The following PRKN variants were observed in gnomAD, a reference collection of about 807,000 sequenced individuals.
PRKN encodes the protein parkin RBR E3 ubiquitin protein ligase.
A neutral mutation model predicts 59.5 loss-of-function variants in PRKN; 56 were observed. That is an observed-to-expected ratio of 0.94 (90% CI 0.76 to 1.18). The LOEUF (loss-of-function observed/expected upper bound fraction) is 1.18, where lower values mean the gene tolerates loss of function less well. Among genes scored for constraint, PRKN ranks in the 50% most tolerant of loss-of-function variants. PRKN has a pLI of 0.00. For synonymous variants in PRKN, 250 were observed against 222.1 expected (o/e 1.13, Z -1.12); for missense variants, 657 against 596.4 (o/e 1.10, Z -1.06).
Position 161,509,647 on chromosome 6 carries a change from C to T in PRKN, c.1083+39207G>A, listed in dbSNP as rs550335899. ...GTAATCTCAACACTTGGTGAGAGGC[C>T]GAGGAGGGTGGATCACAAGTTTAGG... On this transcript the variant is annotated intron_variant, in intron 9 of 11. Coordinates refer to ENST00000366898, the MANE Select transcript of PRKN (RefSeq NM_004562.3). Among the ~76,000 whole-genome samples the T allele has an allele frequency of 2.0e-4, 30 of 151,222 alleles. No individual in the cohort carries two copies. The East Asian group carries it at 2.3e-3, about 12-fold the overall frequency.
chr6:161,655,567 T>C (rs1022090901), intron 7 of PRKN, among the ~76,000 whole-genome samples: 2 of 152,210 alleles, frequency 1.3e-5, no homozygotes, highest in African/African-American at 4.8e-5. Context: ...GACAGTCCAC[T>C]CCATCTGGGG....
At chr6:161,565,507 T>A (rs1424816719) in intron 8 of PRKN, among the ~76,000 whole-genome samples, 1 of 152,128 alleles carries the variant, frequency 6.6e-6, no homozygotes, top group Admixed American at 6.5e-5. Context: ...GTTCTCGTGA[T>A]GGTGAATGAG....
At chr6:162,478,555 T>A (rs1254491859) in intron 1 of PRKN, among the ~76,000 whole-genome samples, 1 of 152,216 alleles carries the variant, frequency 6.6e-6, no homozygotes, top group Non-Finnish European at 1.5e-5. Flanking sequence ...AGCAGGTGTC[T>A]GTGACCTCCT....
intron 7 of PRKN, among the ~76,000 whole-genome samples, chr6:161,721,002 A>T (rs1281995076): frequency 1.3e-5 from 2 of 152,328 alleles, no homozygotes; most frequent in East Asian, 3.9e-4. Flanking sequence ...TTCTAGAGGA[A>T]TATCATGGAA....
intron 3 of PRKN, among the ~76,000 whole-genome samples, chr6:162,255,178 T>C (rs1006263467): frequency 2.0e-5 from 3 of 151,962 alleles, no homozygotes; most frequent in Admixed American, 1.3e-4. Flanking sequence ...CAAGTATGGG[T>C]TGGGGACCTA....
At chr6:161,531,007 T>C (rs1779184541) in intron 9 of PRKN, among the ~76,000 whole-genome samples, 1 of 152,202 alleles carries the variant, frequency 6.6e-6, no homozygotes, top group South Asian at 2.1e-4. Context: ...AAACAGAACA[T>C]AGCACTCCAC....
intron 9 of PRKN, among the ~76,000 whole-genome samples, chr6:161,522,769 CTT>C (rs1562502865): frequency 6.6e-6 from 1 of 152,222 alleles, no homozygotes; most frequent in East Asian, 1.9e-4. Flanking sequence ...ATTCATGTGT[CTT>C]TCCCTTCCGT....
intron 1 of PRKN, among the ~76,000 whole-genome samples, chr6:162,465,908 A>G (rs541659867): frequency 1.3e-5 from 2 of 152,324 alleles, no homozygotes; most frequent in Admixed American, 1.3e-4. Context: ...GCTATCTGCA[A>G]TCCTTGAATA....
chr6:162,491,755 C>A (rs551577949), intron 1 of PRKN, among the ~76,000 whole-genome samples: 1 of 152,130 alleles, frequency 6.6e-6, no homozygotes, highest in African/African-American at 2.4e-5. Flanking sequence ...GGGTCCACAC[C>A]GGGTAGCTTG....
At chr6:161,455,861 CAAAA>C (rs60382394) in intron 9 of PRKN, among the ~76,000 whole-genome samples, 2 of 72,788 alleles carry the variant, frequency 2.7e-5, no homozygotes. Flanking sequence ...GACTCCGTCT[CAAAA>C]AAAAAAAAAA....
chr6:162,592,169 T>C (rs1425770192), intron 1 of PRKN, among the ~76,000 whole-genome samples: 2 of 152,184 alleles, frequency 1.3e-5, no homozygotes, highest in East Asian at 3.9e-4. Flanking sequence ...CCGGGTAATT[T>C]TGTATTTGCA....
chr6:162,530,100 A>T (rs528447657), intron 1 of PRKN, among the ~76,000 whole-genome samples: 4 of 151,438 alleles, frequency 2.6e-5, no homozygotes, highest in Non-Finnish European at 5.9e-5. Flanking sequence ...ATTGCACTCC[A>T]GCCTGGGCAA....
At chr6:162,534,200 G>T (rs981012892) in intron 1 of PRKN, among the ~76,000 whole-genome samples, 2 of 151,978 alleles carry the variant, frequency 1.3e-5, no homozygotes, top group East Asian at 3.9e-4. Flanking sequence ...GCCATCTTAC[G>T]CTAGCAGGTT....
intron 2 of PRKN, among the ~76,000 whole-genome samples, chr6:162,441,683 G>A (rs1288085733): frequency 1.3e-5 from 2 of 152,178 alleles, no homozygotes; most frequent in Admixed American, 6.5e-5. Context: ...CAGGGGCTGA[G>A]TTAGGTCTCT....
intron 2 of PRKN, among the ~76,000 whole-genome samples, chr6:162,306,340 G>A (rs540901174): frequency 1.3e-5 from 2 of 152,278 alleles, no homozygotes; most frequent in Admixed American, 6.5e-5. Flanking sequence ...CTCTGTGGAG[G>A]CCACTTTCTA....
chr6:161,682,063 T>A (rs920558773), intron 7 of PRKN, among the ~76,000 whole-genome samples: 7 of 152,148 alleles, frequency 4.6e-5, no homozygotes, highest in Non-Finnish European at 8.8e-5. Flanking sequence ...AGACGGCAGA[T>A]ACCAAAAGAG....
At position 161,631,793 on chromosome 6, in the gene PRKN, A is replaced by ACACC. The variant is rs151114616; in HGVS notation, c.872-62378_872-62377insGGTG. 4.0e-4 allele frequency among the ~76,000 whole-genome samples: 59 copies of ACACC among 147,276 alleles called. 1 individual carries two copies. Among genetic ancestry groups the ACACC allele is most frequent in the East Asian group, 3.0e-3 (15 of 5,080 alleles). ...GACAAACACACACACACACACACACACCCCACACACACACATTCCTCAGGG... is the reference window on the plus strand; with the variant it reads ...GACAAACACACACACACACACACACACACCCCCCACACACACACATTCCTCAGGG... On this transcript the variant is annotated intron_variant, in intron 7 of 11. Transcript: ENST00000366898.
chr6:161,634,851 G>A lies in PRKN; in HGVS notation c.872-65435C>T, dbSNP rs1459655970. 2.0e-5 allele frequency among the ~76,000 whole-genome samples: 3 copies of A among 152,320 alleles called. No individual in the cohort carries two copies. In the East Asian group the frequency reaches 5.8e-4, roughly 29 times the overall value. Reference sequence around the variant, plus strand: ...TTTTAAAATACTTTTTCACAATTGAGAGAAAGGAAGAGAAGAGTTAAGGAT... The same window carrying A: ...TTTTAAAATACTTTTTCACAATTGAAAGAAAGGAAGAGAAGAGTTAAGGAT... On this transcript the variant is annotated intron_variant, in intron 7 of 11. Coordinates refer to ENST00000366898, the MANE Select transcript of PRKN (RefSeq NM_004562.3).
At position 161,768,313 on chromosome 6, in the gene PRKN, G is replaced by A. The variant is rs142494513; in HGVS notation, c.871+17459C>T. Among the ~76,000 whole-genome samples, 32 of 152,042 alleles carry A rather than the reference G, an allele frequency of 2.1e-4. 1 individual carries two copies. The highest frequency in any genetic ancestry group is 4.4e-5 in the Non-Finnish European group (3 of 68,004). On this transcript the variant is annotated intron_variant, in intron 7 of 11. Transcript: ENST00000366898. Reference sequence around the variant, plus strand: ...GTAGGAAAGTATTATTTTGTGAAAGGGTTTTCAATTACATGCGTGTGTACA... The same window carrying A: ...GTAGGAAAGTATTATTTTGTGAAAGAGTTTTCAATTACATGCGTGTGTACA...
Sources: allele counts gnomAD v4.1 joint callset (sites outside exome capture counted in the v4.1 genomes callset), GRCh38; gene constraint gnomAD v4.1.1; transcripts MANE v1.5; gene names NCBI Gene and HGNC (gene_info 2026-07-23, HGNC 2026-07-21).